Variants in PLCH1 observed in about 807,000 individuals in gnomAD.
PLCH1 encodes 1-phosphatidylinositol 4,5-bisphosphate phosphodiesterase eta-1.
Under a neutral mutation model 126.7 loss-of-function variants are expected in PLCH1, and 60 were observed. The observed-to-expected ratio is 0.47, with a 90% CI of 0.38 to 0.59. The LOEUF is 0.59. PLCH1 is among the 20% of genes least tolerant of loss of function. The pLI, the probability that PLCH1 is intolerant of heterozygous loss-of-function variation, is 0.00. For missense variants in PLCH1, 1,723 were observed against 2,040.0 expected (o/e 0.84, Z 2.99); for synonymous variants, 719 against 734.9 (o/e 0.98, Z 0.35).
At chr3:155,566,006 C>T (rs1183459188) in intron 7 of PLCH1, among the ~76,000 whole-genome samples, 1 of 149,346 alleles carries the variant, frequency 6.7e-6, no homozygotes, top group East Asian at 2.0e-4. Context: ...CCAGGTATTT[C>T]CTAATGGCAA....
chr3:155,626,560 G>A (rs1289382226), intron 2 of PLCH1, among the ~76,000 whole-genome samples: 2 of 151,930 alleles, frequency 1.3e-5, no homozygotes, highest in Non-Finnish European at 1.5e-5. Flanking sequence ...ACGAGGTCAG[G>A]AGATCGAGAC....
At chr3:155,711,969 A>G (rs1287736256) in intron 1 of PLCH1, among the ~76,000 whole-genome samples, 1 of 152,226 alleles carries the variant, frequency 6.6e-6, no homozygotes, top group African/African-American at 2.4e-5. Flanking sequence ...AAGTCGTGGT[A>G]ATATCATTTG....
chr3:155,490,481 G>A (rs1716015568), intron 19 of PLCH1, among the ~76,000 whole-genome samples: 1 of 152,000 alleles, frequency 6.6e-6, no homozygotes, highest in African/African-American at 2.4e-5. Flanking sequence ...AACATATAAT[G>A]GAGGCATTTC....
At chr3:155,474,094 A>C (rs1401408197) in intron 21 of PLCH1, among the ~76,000 whole-genome samples, 3 of 152,194 alleles carry the variant, frequency 2.0e-5, no homozygotes, top group Non-Finnish European at 2.9e-5. Flanking sequence ...ATTAAACTAA[A>C]GAGCTTCTGC....
In PLCH1 at chr3:155,704,398, T is replaced by C. The variant is rs891989920; in HGVS notation, c.-40-134A>G. ...CATACAACTTCTCCACACATGGAGC[T>C]GGAATCCCCCAGGCCCTAAGAAATT... On this transcript the variant is annotated intron_variant, in intron 1 of 22. Transcript: ENST00000460012. 25 of 395,534 alleles carry C rather than the reference T, an allele frequency of 6.3e-5. No homozygotes were observed. In the Admixed American group the frequency reaches 1.0e-3, roughly 16 times the overall value. 24.5% of individuals were successfully genotyped at this position (395,534 alleles called of 1,614,324 possible).
intron 2 of PLCH1, among the ~76,000 whole-genome samples, chr3:155,659,302 CTTTTTTTTTTTTTTTTTTTTT>C (rs753258422): frequency 2.9e-3 from 89 of 30,848 alleles, no homozygotes; most frequent in African/African-American, 5.6e-3. Flanking sequence ...CTATTCACTT[CTTTTTTTTTTTTTTTTTTTTT>C]TTTTTTTTTT....
intron 2 of PLCH1, among the ~76,000 whole-genome samples, chr3:155,651,265 C>T (rs935125635): frequency 6.6e-6 from 1 of 152,112 alleles, no homozygotes; most frequent in Non-Finnish European, 1.5e-5. Context: ...TAAATGAATG[C>T]CTGTTATAGC....
intron 2 of PLCH1, among the ~76,000 whole-genome samples, chr3:155,653,894 T>C (rs534359524): frequency 2.6e-5 from 4 of 152,144 alleles, no homozygotes; most frequent in South Asian, 4.2e-4. Flanking sequence ...TGTTCCCTGA[T>C]CCTATATCCC....
chr3:155,737,355 A>G lies in PLCH1; in HGVS notation c.-41+7485T>C, dbSNP rs1015038058. Among the ~76,000 whole-genome samples the G allele has an allele frequency of 1.1e-4, 17 of 150,900 alleles. No homozygotes were observed. In the South Asian group the frequency reaches 1.5e-3, roughly 13 times the overall value. On this transcript the variant is annotated intron_variant, in intron 1 of 22. Transcript: ENST00000460012. The stretch of plus-strand genomic sequence containing the variant: ...TTTTTTCTTTTTTCTTTGTTGAGAC[A>G]GGGTCTCAATCTATCACCCAGGCTG...
At chr3:155,684,917 C>T (rs1458689020) in intron 2 of PLCH1, among the ~76,000 whole-genome samples, 1 of 152,122 alleles carries the variant, frequency 6.6e-6, no homozygotes, top group Admixed American at 6.5e-5. Flanking sequence ...TATTATTTCC[C>T]CCTAACAGTA....
At chr3:155,460,571 A>G (rs1284101861) in intron 21 of PLCH1, among the ~76,000 whole-genome samples, 2 of 152,134 alleles carry the variant, frequency 1.3e-5, no homozygotes, top group Non-Finnish European at 2.9e-5. Context: ...GATAGAAAGG[A>G]GCAGTGTTAG....
intron 7 of PLCH1, among the ~76,000 whole-genome samples, chr3:155,566,156 TACAC>T (rs869082623): frequency 0.011 from 686 of 61,150 alleles, 5 homozygotes; most frequent in Non-Finnish European, 0.015. Context: ...TATACATATA[TACAC>T]ATACATATAT....
chr3:155,697,550 C>T (rs1291627915), intron 2 of PLCH1, among the ~76,000 whole-genome samples: 1 of 152,182 alleles, frequency 6.6e-6, no homozygotes, highest in East Asian at 1.9e-4. Context: ...GGAGCAGCCC[C>T]TACAGTGTGA....
chr3:155,716,586 C>T (rs185490674), intron 1 of PLCH1, among the ~76,000 whole-genome samples: 12 of 152,186 alleles, frequency 7.9e-5, no homozygotes, highest in Non-Finnish European at 1.6e-4. Context: ...CAAGAGAATA[C>T]GATGGGGGGT....
intron 2 of PLCH1, among the ~76,000 whole-genome samples, chr3:155,670,330 T>C (rs887247450): frequency 2.0e-4 from 30 of 152,210 alleles, no homozygotes; most frequent in African/African-American, 7.2e-4. Context: ...GCTTGTATAT[T>C]TTCTCAAGTT....
chr3:155,612,700 TG>T (rs1301545667), intron 2 of PLCH1, among the ~76,000 whole-genome samples: 12 of 151,828 alleles, frequency 7.9e-5, no homozygotes, highest in African/African-American at 2.9e-4. Context: ...CACCTGAGGT[TG>T]GGAGTTCGAG....
At chr3:155,669,659 T>C (rs908118341) in intron 2 of PLCH1, among the ~76,000 whole-genome samples, 3 of 152,226 alleles carry the variant, frequency 2.0e-5, no homozygotes, top group Admixed American at 6.5e-5. Context: ...AGTTAGTAAA[T>C]AAAAGGAATA....
intron 10 of PLCH1, among the ~76,000 whole-genome samples, chr3:155,544,964 C>G (rs1478120493): frequency 6.8e-6 from 1 of 148,036 alleles, no homozygotes; most frequent in African/African-American, 2.5e-5. Context: ...ACCCTAACAT[C>G]ACAATTAAAA....
chr3:155,738,746 C>T (rs1056649999), intron 1 of PLCH1, among the ~76,000 whole-genome samples: 14 of 150,890 alleles, frequency 9.3e-5, no homozygotes, highest in Non-Finnish European at 2.9e-5. Context: ...GAGATCCCCC[C>T]ACTGCACTCC....
Sources: allele counts gnomAD v4.1 joint callset (sites outside exome capture counted in the v4.1 genomes callset), GRCh38; gene constraint gnomAD v4.1.1; transcripts MANE v1.5; gene names NCBI Gene and HGNC (gene_info 2026-07-23, HGNC 2026-07-21).